The following KIAA0825 variants were observed in gnomAD, a reference collection of about 807,000 sequenced individuals.
KIAA0825 encodes KIAA0825, also known as uncharacterized protein KIAA0825.
Under a neutral mutation model 147.6 loss-of-function variants are expected in KIAA0825, and 119 were observed. The observed-to-expected ratio is 0.81, with a 90% CI of 0.69 to 0.94. KIAA0825 has a LOEUF of 0.94. Among genes scored for constraint, KIAA0825 ranks in the 40% least tolerant of loss-of-function variants. KIAA0825 has a pLI of 0.00. For synonymous variants in KIAA0825, 470 were observed against 518.1 expected (o/e 0.91, Z 1.26); for missense variants, 1,381 against 1,472.7 (o/e 0.94, Z 1.02).
intron 20 of KIAA0825, among the ~76,000 whole-genome samples, chr5:94,161,203 T>C (rs551943265): frequency 6.6e-6 from 1 of 152,334 alleles, no homozygotes; most frequent in Non-Finnish European, 1.5e-5. Context: ...ACGCTACTGC[T>C]ACATCAAACC....
chr5:94,210,687 T>C (rs1335952660), intron 20 of KIAA0825, among the ~76,000 whole-genome samples: 1 of 151,780 alleles, frequency 6.6e-6, no homozygotes, highest in East Asian at 2.0e-4. Flanking sequence ...CAGAAAATTC[T>C]TTTTTTACAA....
chr5:94,274,122 A>G (rs1372751918), intron 20 of KIAA0825, among the ~76,000 whole-genome samples: 1 of 152,180 alleles, frequency 6.6e-6, no homozygotes, highest in African/African-American at 2.4e-5. Context: ...CAGAATCTCT[A>G]TGTATCATGC....
At chr5:94,598,497 A>C (rs182083580) in intron 1 of KIAA0825, among the ~76,000 whole-genome samples, 452 of 152,236 alleles carry the variant, frequency 3.0e-3, no homozygotes, top group African/African-American at 0.011. Flanking sequence ...TTTTACAGGG[A>C]AGCTGTTAAC....
At chr5:94,526,639 T>A (rs1769335273) in intron 3 of KIAA0825, among the ~76,000 whole-genome samples, 1 of 151,964 alleles carries the variant, frequency 6.6e-6, no homozygotes, top group African/African-American at 2.4e-5. Flanking sequence ...AAAAAAGATA[T>A]CTATGGTAAT....
At chr5:94,595,405 G>A (rs111726036) in intron 1 of KIAA0825, among the ~76,000 whole-genome samples, 20 of 152,312 alleles carry the variant, frequency 1.3e-4, no homozygotes, top group African/African-American at 4.1e-4. Flanking sequence ...TGAGCTGTAC[G>A]TTGCTCCCTT....
At chr5:94,613,544 T>C (rs1378584309) in intron 1 of KIAA0825, among the ~76,000 whole-genome samples, 2 of 152,232 alleles carry the variant, frequency 1.3e-5, no homozygotes, top group African/African-American at 4.8e-5. Flanking sequence ...GGCTTTAGTG[T>C]TGGCTTTTAG....
chr5:94,528,354 C>T (rs1251690741), intron 3 of KIAA0825, among the ~76,000 whole-genome samples: 1 of 152,152 alleles, frequency 6.6e-6, no homozygotes, highest in Non-Finnish European at 1.5e-5. Context: ...GAGTTAGGGT[C>T]CTCTCTTGAT....
At chr5:94,248,213 A>G (rs1437269403) in intron 20 of KIAA0825, among the ~76,000 whole-genome samples, 1 of 152,140 alleles carries the variant, frequency 6.6e-6, no homozygotes. Flanking sequence ...CAACCTTCCC[A>G]AAGATACATT....
intron 20 of KIAA0825, among the ~76,000 whole-genome samples, chr5:94,180,470 T>C (rs1204784215): frequency 6.6e-6 from 1 of 152,144 alleles, no homozygotes; most frequent in Non-Finnish European, 1.5e-5. Context: ...CTGAAAAAGT[T>C]CTGTACTTTA....
chr5:94,219,304 A>G (rs1446117881), intron 20 of KIAA0825, among the ~76,000 whole-genome samples: 1 of 152,022 alleles, frequency 6.6e-6, no homozygotes, highest in African/African-American at 2.4e-5. Flanking sequence ...TCACGTTCCT[A>G]TGATAATCTA....
chr5:94,606,813 G>A (rs1787575719), intron 1 of KIAA0825, among the ~76,000 whole-genome samples: 1 of 152,178 alleles, frequency 6.6e-6, no homozygotes, highest in African/African-American at 2.4e-5. Context: ...TACAAGCACA[G>A]TGCCAGCATC....
Position 94,396,297 on chromosome 5 carries a change from G to T in KIAA0825, c.3100C>A (p.Leu1034Ile). 1 of 1,550,534 alleles carries T rather than the reference G, an allele frequency of 6.4e-7. No homozygotes were observed. Among genetic ancestry groups the T allele is most frequent in the East Asian group, 2.4e-5 (1 of 40,906 alleles). Reference sequence around the variant, plus strand: ...CTGTCAAGAGAGGCACCTGTTAAAAGTTCCACAGTGTTTCCGTCCTCAAAT... The same window carrying T: ...CTGTCAAGAGAGGCACCTGTTAAAATTTCCACAGTGTTTCCGTCCTCAAAT... ...RIFEDGNTVE[L>I]LTGASLDRWS... The change falls in exon 17 of 21, where the codon CTT becomes ATT. Residue 1034 changes from leucine (L) to isoleucine (I), a missense_variant. By Grantham distance (5) the Leu-to-Ile change is conservative. Coordinates refer to ENST00000682413, the MANE Select transcript of KIAA0825 (RefSeq NM_001145678.3).
Position 94,403,733 on chromosome 5 carries a change from T to G in KIAA0825, c.2723A>C (p.Asp908Ala). 1 of 1,551,580 alleles carries G rather than the reference T, an allele frequency of 6.4e-7. No homozygotes were observed. The highest frequency in any genetic ancestry group is 8.7e-7 in the Non-Finnish European group (1 of 1,146,890). ...CTGCTGTACAGTGTCCTTGATGGCATCGGTCAGTGCCAGTCTCAAGCATCG... is the reference window on the plus strand; with the variant it reads ...CTGCTGTACAGTGTCCTTGATGGCAGCGGTCAGTGCCAGTCTCAAGCATCG... ...VIRCLRLALT[D>A]AIKDTVQQIV... The change falls in exon 16 of 21, where the codon GAT becomes GCT. Residue 908 changes from aspartate to alanine, a missense_variant. Transcript: ENST00000682413.
intron 20 of KIAA0825, among the ~76,000 whole-genome samples, chr5:94,253,913 T>G (rs1376750439): frequency 2.0e-5 from 3 of 152,178 alleles, no homozygotes; most frequent in Non-Finnish European, 4.4e-5. Flanking sequence ...ACAATGCATC[T>G]TCACTGTCAC....
At chr5:94,453,323 C>A (rs1324842267) in intron 12 of KIAA0825, among the ~76,000 whole-genome samples, 1 of 148,636 alleles carries the variant, frequency 6.7e-6, no homozygotes, top group Non-Finnish European at 1.5e-5. Flanking sequence ...CAGGCATATG[C>A]TGCCACGTGT....
At chr5:94,229,143 T>G (rs943897098) in intron 20 of KIAA0825, among the ~76,000 whole-genome samples, 2 of 152,246 alleles carry the variant, frequency 1.3e-5, no homozygotes, top group Non-Finnish European at 2.9e-5. Flanking sequence ...TGAATCTAAC[T>G]CTTTCTTGGT....
intron 20 of KIAA0825, among the ~76,000 whole-genome samples, chr5:94,267,081 C>T (rs778589968): frequency 5.3e-5 from 8 of 152,164 alleles, no homozygotes; most frequent in Non-Finnish European, 1.2e-4. Context: ...TTCACTCTGT[C>T]TCAAATGCTT....
chr5:94,264,951 T>G (rs1776674779), intron 20 of KIAA0825, among the ~76,000 whole-genome samples: 1 of 151,862 alleles, frequency 6.6e-6, no homozygotes, highest in Non-Finnish European at 1.5e-5. Flanking sequence ...CCTGGCTAAT[T>G]TTTGCATTTT....
intron 20 of KIAA0825, among the ~76,000 whole-genome samples, chr5:94,365,111 T>C (rs1221736741): frequency 2.6e-5 from 4 of 152,158 alleles, no homozygotes; most frequent in African/African-American, 9.7e-5. Context: ...TGTGGCCCTA[T>C]GTAAATCGGG....
Sources: allele counts gnomAD v4.1 joint callset (sites outside exome capture counted in the v4.1 genomes callset), GRCh38; gene constraint gnomAD v4.1.1; transcripts MANE v1.5; gene names NCBI Gene and HGNC (gene_info 2026-07-23, HGNC 2026-07-21).